TTC9: variants seen among roughly 807,000 people sequenced by gnomAD.
TTC9 encodes tetratricopeptide repeat protein 9A.
Under a neutral mutation model 22.9 loss-of-function variants are expected in TTC9, and 13 were observed. That is an observed-to-expected ratio of 0.57 (90% confidence interval 0.37 to 0.90). The LOEUF is 0.90. Ranked by LOEUF, TTC9 falls within the 40% of genes least tolerant of loss-of-function variation. TTC9 has a pLI of 0.01. For synonymous variants in TTC9, 148 were observed against 133.2 expected, an observed-to-expected ratio of 1.11 and a Z score of -0.77; for missense variants, 280 against 291.8, an observed-to-expected ratio of 0.96 and a Z score of 0.29.
At chr14:70,665,447 G>C (rs1292753867) in intron 1 of TTC9, among the ~76,000 whole-genome samples, 1 of 152,132 alleles carries the variant, frequency 6.6e-6, no homozygotes, top group African/African-American at 2.4e-5. Context: ...CCACCATGGA[G>C]AGAGAGGGAG....
chr14:70,656,210 T>TACAC (rs34334641), intron 1 of TTC9, among the ~76,000 whole-genome samples: 4,459 of 147,998 alleles, frequency 0.03, 78 homozygotes, highest in Non-Finnish European at 0.037. Context: ...TTCACCCTGA[T>TACAC]ACACACACAC....
chr14:70,659,455 G>A (rs1886115210), intron 1 of TTC9, among the ~76,000 whole-genome samples: 1 of 152,172 alleles, frequency 6.6e-6, no homozygotes, highest in African/African-American at 2.4e-5. Context: ...TGTCATGTCA[G>A]CCCTGTTAGG....
At chr14:70,653,956 G>A (rs1297505437) in intron 1 of TTC9, among the ~76,000 whole-genome samples, 1 of 152,142 alleles carries the variant, frequency 6.6e-6, no homozygotes. Context: ...TGGCAGCCTC[G>A]GGACTGCCCC....
intron 1 of TTC9, among the ~76,000 whole-genome samples, chr14:70,660,061 G>C (rs1248836235): frequency 1.3e-5 from 2 of 152,316 alleles, no homozygotes; most frequent in East Asian, 3.9e-4. Flanking sequence ...TTCCCTTTCT[G>C]GGAGGATGGA....
intron 1 of TTC9, among the ~76,000 whole-genome samples, chr14:70,647,487 G>A (rs569965730): frequency 6.6e-6 from 1 of 152,134 alleles, no homozygotes; most frequent in Non-Finnish European, 1.5e-5. Context: ...TAGATTATTT[G>A]TGTTTCTGAG....
intron 1 of TTC9, 81 bp downstream of exon 1, chr14:70,642,616 G>GACCAC: frequency 1.5e-6 from 2 of 1,332,410 alleles, no homozygotes; most frequent in Non-Finnish European, 2.0e-6. Flanking sequence ...CGCTCCCGCG[G>GACCAC]TGCAGATTCT....
In TTC9 at chr14:70,671,127, G is replaced by T. The variant is rs45621632; in HGVS notation, c.641G>T (p.Cys214Phe). ...CTGACGGAGATGAAACTCAGCCGAT[G>T]CTCCCAGAGAGAAAAAGAAGCCATG... ...IQLTEMKLSR[C>F]SQREKEAM Residue 214 changes from cysteine (C) to phenylalanine (F), a missense_variant, in exon 3 of 3, where the codon TGC becomes TTC. By Grantham distance (205) the Cys-to-Phe change is radical (BLOSUM62 -2). This residue lies in a region of TTC9 where 22 missense variants were observed against 20.4 expected (regional missense o/e 1.08). Coordinates refer to ENST00000256367, the MANE Select transcript of TTC9 (RefSeq NM_015351.2). 55,139 of 1,613,532 alleles carry T rather than the reference G, an allele frequency of 0.034. 2,418 individuals carry two copies. The highest frequency in any genetic ancestry group is 0.26 in the East Asian group (11,600 of 44,818).
intron 1 of TTC9, among the ~76,000 whole-genome samples, chr14:70,658,084 A>G (rs1406152473): frequency 6.6e-6 from 1 of 152,234 alleles, no homozygotes; most frequent in Non-Finnish European, 1.5e-5. Flanking sequence ...CCGGGTTTCC[A>G]CCATTACCAC....
rs756612111 is a variant in TTC9, at chr14:70,669,935, T to A, written c.590-1141T>A. Reference sequence around the variant, plus strand: ...TGTGTGGAACTTAGCAGTTGTTCCCTGCCATGCCATCCTCACTAATAACAG... The same window carrying A: ...TGTGTGGAACTTAGCAGTTGTTCCCAGCCATGCCATCCTCACTAATAACAG... On this transcript the variant is annotated intron_variant, in intron 2 of 2. Transcript: ENST00000256367. Among the ~76,000 whole-genome samples the A allele has an allele frequency of 9.9e-5, 15 of 152,210 alleles. 1 individual carries two copies. Among genetic ancestry groups the A allele is most frequent in the Non-Finnish European group, 2.1e-4 (14 of 68,034 alleles).
At position 70,656,416 on chromosome 14, in the gene TTC9, G is replaced by A. The variant is rs144024048; in HGVS notation, c.407-11148G>A. 1.4e-3 allele frequency among the ~76,000 whole-genome samples: 213 copies of A among 152,268 alleles called. 2 individuals are homozygous for A. The highest frequency in any genetic ancestry group is 5.0e-3 in the African/African-American group (208 of 41,542). ...CCATTATTTATTTAACTAATCTACT[G>A]ATGGATACTTAGGTTATTTCCAGCA... is the stretch of plus-strand genomic sequence containing the variant. On this transcript the variant is annotated intron_variant, in intron 1 of 2. Coordinates refer to ENST00000256367, the MANE Select transcript of TTC9 (RefSeq NM_015351.2).
chr14:70,648,041 G>C (rs1885928701), intron 1 of TTC9, among the ~76,000 whole-genome samples: 1 of 152,194 alleles, frequency 6.6e-6, no homozygotes, highest in East Asian at 1.9e-4. Context: ...TGGTGAAAAG[G>C]AGGTCAGGGG....
chr14:70,655,921 G>A (rs540006168), intron 1 of TTC9, among the ~76,000 whole-genome samples: 4 of 152,032 alleles, frequency 2.6e-5, no homozygotes, highest in East Asian at 3.9e-4. Flanking sequence ...CCAGCTCCCC[G>A]CCATGCTGCT....
intron 1 of TTC9, among the ~76,000 whole-genome samples, chr14:70,657,119 C>A (rs1886077593): frequency 6.6e-6 from 1 of 152,212 alleles, no homozygotes; most frequent in African/African-American, 2.4e-5. Context: ...ACTGACTTTC[C>A]ATGCAGTTCT....
chr14:70,670,460 C>T (rs944606690), intron 2 of TTC9, among the ~76,000 whole-genome samples: 4 of 152,010 alleles, frequency 2.6e-5, no homozygotes, highest in Non-Finnish European at 4.4e-5. Flanking sequence ...GAGTTTGAAA[C>T]GAGCCTGGCC....
In TTC9 at chr14:70,642,066, GC is replaced by G. The variant is rs1411529253; in HGVS notation, c.-63del. On this transcript the variant is annotated 5_prime_UTR_variant, in exon 1 of 3. Coordinates refer to ENST00000256367, the MANE Select transcript of TTC9 (RefSeq NM_015351.2). ...GCCCGCGGCTTTTAAACCCGGGAAG[GC>G]GCGGCGGCGGCGGCGGCGGCGGGCA... 1 of 976,302 alleles carries G rather than the reference GC, an allele frequency of 1.0e-6. No homozygotes were observed. Among genetic ancestry groups the G allele is most frequent in the Non-Finnish European group, 1.2e-6 (1 of 819,138 alleles). 60.5% of individuals were successfully genotyped at this position (976,302 alleles called of 1,614,324 possible).
intron 1 of TTC9, among the ~76,000 whole-genome samples, chr14:70,662,413 CAAAAAAAAA>C (rs57369399): frequency 8.1e-6 from 1 of 123,238 alleles, no homozygotes. Context: ...ATCTCTATGC[CAAAAAAAAA>C]AAAAAAAAAA....
rs1277898692 is a variant in TTC9 at position 70,642,521 on chromosome 14, A to G, written c.392A>G (p.Tyr131Cys). Residue 131 changes from tyrosine to cysteine, a missense_variant, in exon 1 of 3, where the codon TAC (tyrosine) becomes TGC (cysteine). This residue lies in a region of TTC9 where 165 missense variants were observed against 145.4 expected (regional missense o/e 1.14). Coordinates refer to ENST00000256367, the MANE Select transcript of TTC9 (RefSeq NM_015351.2). ...GTGGAAGCCATCGAGATCGACTGTT[A>G]CAACAGCCTGGCAGGTGAGCCGCGC... ...KTVEAIEIDCYNSLAACLLQA... is the reference protein window; with the variant it reads ...KTVEAIEIDCCNSLAACLLQA... 9 of 1,540,176 alleles carry G rather than the reference A, an allele frequency of 5.8e-6. No individual in the cohort carries two copies. The highest frequency in any genetic ancestry group is 7.0e-6 in the Non-Finnish European group (8 of 1,142,566).
At position 70,642,059 on chromosome 14, in the gene TTC9, C is replaced by G. The variant is rs1025568270; in HGVS notation, c.-71C>G. ...GGCCGGCGCCCGCGGCTTTTAAACC[C>G]GGGAAGGCGCGGCGGCGGCGGCGGC... On this transcript the variant is annotated 5_prime_UTR_variant, in exon 1 of 3. Coordinates refer to ENST00000256367, the MANE Select transcript of TTC9 (RefSeq NM_015351.2). 6.2e-5 allele frequency: 62 copies of G among 992,878 alleles called. 1 individual carries two copies. The highest frequency in any genetic ancestry group is 9.8e-4 in the Middle Eastern group (2 of 2,046). The allele number at this position is 992,878 out of a possible 1,614,324, so 61.5% of individuals were successfully genotyped here.
At chr14:70,645,392 A>C (rs1037248360) in intron 1 of TTC9, among the ~76,000 whole-genome samples, 8 of 152,236 alleles carry the variant, frequency 5.3e-5, no homozygotes, top group African/African-American at 1.9e-4. Context: ...TTTTCTGTGA[A>C]TAAATGTAAA....
Sources: allele counts gnomAD v4.1 joint callset (sites outside exome capture counted in the v4.1 genomes callset), GRCh38; gene constraint gnomAD v4.1.1; regional missense constraint gnomAD v4.1.1; transcripts MANE v1.5; gene names NCBI Gene and HGNC (gene_info 2026-07-23, HGNC 2026-07-21).